Variants in SYT1 observed in about 807,000 individuals in gnomAD.
SYT1 encodes synaptotagmin-1.
SYT1 carries 8 observed loss-of-function variants against 44.8 expected under a neutral mutation model. That is an observed-to-expected ratio of 0.18 (90% CI 0.10 to 0.32). The LOEUF (loss-of-function observed/expected upper bound fraction) is 0.32. Ranked by LOEUF, SYT1 falls within the 10% of genes least tolerant of loss-of-function variation. The pLI, the probability that SYT1 is intolerant of heterozygous loss-of-function variation, is 1.00. For missense variants in SYT1, 286 were observed against 509.3 expected, an observed-to-expected ratio of 0.56 and a Z score of 4.22; for synonymous variants, 154 against 188.8, an observed-to-expected ratio of 0.82 and a Z score of 1.51.
chr12:79,142,814 T>A (rs1055819848), intron 3 of SYT1, among the ~76,000 whole-genome samples: 2 of 152,230 alleles, frequency 1.3e-5, no homozygotes, highest in African/African-American at 4.8e-5. Flanking sequence ...TGCTTGTGTA[T>A]GAGTCCTCCA....
intron 8 of SYT1, among the ~76,000 whole-genome samples, chr12:79,331,587 CAATAGA>C (rs1370332242): frequency 6.6e-6 from 1 of 152,018 alleles, no homozygotes; most frequent in Non-Finnish European, 1.5e-5. Context: ...CATTTTAAAG[CAATAGA>C]AATAATTTGT....
At chr12:78,972,398 G>A (rs1010428016) in intron 1 of SYT1, among the ~76,000 whole-genome samples, 2 of 151,600 alleles carry the variant, frequency 1.3e-5, no homozygotes, top group East Asian at 1.9e-4. Flanking sequence ...CATTGACTAC[G>A]ATAAAGTTAA....
intron 1 of SYT1, among the ~76,000 whole-genome samples, chr12:78,966,737 T>G (rs748002179): frequency 6.6e-6 from 1 of 152,160 alleles, no homozygotes; most frequent in Non-Finnish European, 1.5e-5. Flanking sequence ...TGATATGATG[T>G]TGGAGAAAGC....
rs563764815 is a variant in SYT1 at position 78,874,251 on chromosome 12, G to A, written c.-217+9142G>A. Among the ~76,000 whole-genome samples the A allele has an allele frequency of 1.3e-4, 19 of 151,666 alleles. 1 individual carries two copies. Among genetic ancestry groups the A allele is most frequent in the African/African-American group, 4.6e-4 (19 of 41,472 alleles). ...TAGTAAGATGTAGAATTAAACCCAAGCTACCTATTTACAGAGCCAATACTC... is the reference window on the plus strand; with the variant it reads ...TAGTAAGATGTAGAATTAAACCCAAACTACCTATTTACAGAGCCAATACTC... On this transcript the variant is annotated intron_variant, in intron 1 of 10. Coordinates refer to ENST00000261205, the MANE Select transcript of SYT1 (RefSeq NM_005639.3).
chr12:79,113,904 TATCTCTGATTATTTTATCTCCCC>T (rs1879144724), intron 3 of SYT1, among the ~76,000 whole-genome samples: 1 of 152,100 alleles, frequency 6.6e-6, no homozygotes, highest in Admixed American at 6.6e-5. Flanking sequence ...AATAGAAAAT[TATCTCTGATTATTTTATCTCCCC>T]ATCTCTGCTG....
chr12:79,335,687 G>A (rs998778225), intron 8 of SYT1, among the ~76,000 whole-genome samples: 1 of 152,024 alleles, frequency 6.6e-6, no homozygotes. Flanking sequence ...CCTCTTTTTA[G>A]GGTCCATCCA....
At chr12:79,213,864 G>A (rs1454077106) in intron 3 of SYT1, among the ~76,000 whole-genome samples, 1 of 152,224 alleles carries the variant, frequency 6.6e-6, no homozygotes, top group Non-Finnish European at 1.5e-5. Flanking sequence ...GGAAGTTGCA[G>A]TGAGCAGAAA....
chr12:79,125,978 T>C (rs1418253949), intron 3 of SYT1, among the ~76,000 whole-genome samples: 1 of 152,220 alleles, frequency 6.6e-6, no homozygotes, highest in Non-Finnish European at 1.5e-5. Context: ...TCGTTCTCAG[T>C]CCATTAGAAA....
intron 3 of SYT1, among the ~76,000 whole-genome samples, chr12:79,179,094 A>C (rs1432845061): frequency 2.3e-5 from 3 of 128,230 alleles, no homozygotes; most frequent in Non-Finnish European, 3.2e-5. Context: ...ATAGATATAT[A>C]GATATAGATA....
intron 1 of SYT1, among the ~76,000 whole-genome samples, chr12:78,910,754 C>T (rs767611125): frequency 2.0e-5 from 3 of 151,922 alleles, no homozygotes; most frequent in Non-Finnish European, 4.4e-5. Context: ...TCTGAGAGCT[C>T]ATAGTAAGGA....
At chr12:79,015,856 A>G (rs1384285929) in intron 2 of SYT1, among the ~76,000 whole-genome samples, 4 of 152,174 alleles carry the variant, frequency 2.6e-5, no homozygotes, top group Non-Finnish European at 5.9e-5. Context: ...GGCCAGGATT[A>G]TCTACACTTC....
chr12:78,940,559 T>TTA (rs1368119541), intron 1 of SYT1, among the ~76,000 whole-genome samples: 5 of 151,968 alleles, frequency 3.3e-5, no homozygotes, highest in African/African-American at 1.2e-4. Context: ...ACAGCTGATT[T>TTA]TTTTTTTAAT....
chr12:79,049,488 G>A (rs1474126554), intron 3 of SYT1, among the ~76,000 whole-genome samples: 1 of 151,674 alleles, frequency 6.6e-6, no homozygotes, highest in African/African-American at 2.4e-5. Flanking sequence ...TTATTATACT[G>A]TAATAAAAAG....
At chr12:79,018,387 A>G (rs998852589) in intron 2 of SYT1, among the ~76,000 whole-genome samples, 4 of 151,904 alleles carry the variant, frequency 2.6e-5, no homozygotes, top group African/African-American at 7.3e-5. Context: ...AGATATACCT[A>G]ATGCTAAACA....
rs1187267616 is a variant in SYT1 at position 79,424,834 on chromosome 12, G to GT, written c.929-19229dup. On this transcript the variant is annotated intron_variant, in intron 9 of 10. Transcript: ENST00000261205. ...TGATTGTATGCAGACCTAGTGTTTTGTTTTTTTTTTAAGTTTTTAAATTTG... is the reference window on the plus strand; with the variant it reads ...TGATTGTATGCAGACCTAGTGTTTTGTTTTTTTTTTTAAGTTTTTAAATTTG... 4.2e-3 allele frequency among the ~76,000 whole-genome samples: 568 copies of GT among 135,784 alleles called. 2 individuals are homozygous for GT. The highest frequency in any genetic ancestry group is 0.014 in the African/African-American group (508 of 37,034). 89.1% of individuals were successfully genotyped at this position (135,784 alleles called of 152,430 possible). A position where few individuals can be genotyped will look rare whatever the true frequency, so the allele number is the denominator to read the frequency against.
At chr12:79,201,447 G>T (rs888899180) in intron 3 of SYT1, among the ~76,000 whole-genome samples, 32 of 152,114 alleles carry the variant, frequency 2.1e-4, no homozygotes, top group African/African-American at 6.3e-4. Context: ...TTGCTATAAG[G>T]CCAAAGGATA....
At chr12:79,369,837 A>G (rs773839074) in intron 9 of SYT1, among the ~76,000 whole-genome samples, 1 of 152,218 alleles carries the variant, frequency 6.6e-6, no homozygotes, top group Non-Finnish European at 1.5e-5. Context: ...AATTAGTCCA[A>G]TCATCTTGCA....
intron 3 of SYT1, among the ~76,000 whole-genome samples, chr12:79,055,882 T>C (rs1369067356): frequency 6.6e-6 from 1 of 152,052 alleles, no homozygotes; most frequent in Non-Finnish European, 1.5e-5. Flanking sequence ...CATAGTCATG[T>C]ACCACCTAAC....
At chr12:78,962,608 G>T (rs980471759) in intron 1 of SYT1, among the ~76,000 whole-genome samples, 2 of 152,046 alleles carry the variant, frequency 1.3e-5, no homozygotes, top group Non-Finnish European at 2.9e-5. Context: ...AGGTTGGCCT[G>T]TGTGTATTCT....
Sources: gnomAD v4.1 joint callset for allele counts (sites outside exome capture counted in the v4.1 genomes callset) on GRCh38, gnomAD v4.1.1 for gene constraint, MANE v1.5 for transcripts, NCBI Gene and HGNC (gene_info 2026-07-23, HGNC 2026-07-21) for gene names.